The following LRRTM1 variants were observed in gnomAD, a reference collection of about 807,000 sequenced individuals.
The protein encoded by LRRTM1 is leucine-rich repeat transmembrane neuronal protein 1.
Under a neutral mutation model 37.3 loss-of-function variants are expected in LRRTM1, and 8 were observed. That is an observed-to-expected ratio of 0.21 (90% confidence interval 0.13 to 0.39). LRRTM1 has a LOEUF of 0.39. LRRTM1 is among the 10% of genes least tolerant of loss of function. The pLI is 1.00. For synonymous variants in LRRTM1, 326 were observed against 316.8 expected (o/e 1.03, Z -0.31); for missense variants, 557 against 691.0 (o/e 0.81, Z 2.17).
At chr2:80,289,866 C>T (rs1055168410) in intron 2 of LRRTM1, among the ~76,000 whole-genome samples, 7 of 152,144 alleles carry the variant, frequency 4.6e-5, no homozygotes, top group East Asian at 1.9e-4. Flanking sequence ...CTCCCTGCTA[C>T]GGATGATGGA....
chr2:80,293,487 T>G (rs1675449291), intron 2 of LRRTM1, among the ~76,000 whole-genome samples: 1 of 152,258 alleles, frequency 6.6e-6, no homozygotes, highest in Non-Finnish European at 1.5e-5. Flanking sequence ...ATCCTGGCTT[T>G]ACTTTAAGCC....
At chr2:80,290,931 C>G (rs1426305386) in intron 2 of LRRTM1, among the ~76,000 whole-genome samples, 1 of 152,200 alleles carries the variant, frequency 6.6e-6, no homozygotes, top group African/African-American at 2.4e-5. Context: ...CCTCAATTTC[C>G]CAACAGCTCT....
At chr2:80,292,540 C>T (rs1220805661) in intron 2 of LRRTM1, among the ~76,000 whole-genome samples, 3 of 152,010 alleles carry the variant, frequency 2.0e-5, no homozygotes, top group African/African-American at 7.3e-5. Context: ...TTGCAGGTTG[C>T]CAGGCACCTA....
chr2:80,303,578 C>T lies in LRRTM1; in HGVS notation c.242G>A (p.Arg81His), dbSNP rs1053781149. The part of the protein sequence containing the change: ...SLRYNSLSEL[R>H]AGQFTGLMQL... The stretch of plus-strand genomic sequence containing the variant: ...CATTAACCCCGTGAACTGGCCGGCG[C>T]GCAGCTCCGAGAGGCTGTTGTAGCG... The change falls in exon 2 of 2, where the codon CGC becomes CAC. Residue 81 changes from arginine (R) to histidine (H), a missense_variant. Physicochemically the swap from Arg to His is conservative, Grantham distance 29. Coordinates refer to ENST00000295057, the MANE Select transcript of LRRTM1 (RefSeq NM_178839.5). The surrounding 1 kb of genome is among the most constrained non-coding windows in gnomAD (Gnocchi z 7.7). The T allele has an allele frequency of 1.2e-6, 2 of 1,614,088 alleles. No individual in the cohort carries two copies. Among genetic ancestry groups the T allele is most frequent in the African/African-American group, 2.7e-5 (2 of 74,942 alleles).
intron 2 of LRRTM1, chr2:80,289,262 A>C (rs1009641363): frequency 6.6e-6 from 1 of 152,164 alleles, no homozygotes; most frequent in Non-Finnish European, 1.5e-5. Context: ...CAAGTGTCAA[A>C]GCATCTGTAG....
chr2:80,291,157 C>T (rs368127967), intron 2 of LRRTM1, among the ~76,000 whole-genome samples: 3 of 152,246 alleles, frequency 2.0e-5, no homozygotes, highest in Non-Finnish European at 4.4e-5. Context: ...AGTTTTTCCT[C>T]GTGGGATTTA....
In LRRTM1 at chr2:80,302,642, G is replaced by C; in HGVS notation, c.1178C>G (p.Thr393Arg). The change falls in exon 2 of 2, where the codon ACG becomes AGG. Residue 393 changes from threonine (T) to arginine (R), a missense_variant. By Grantham distance (71) the Thr-to-Arg change is moderately conservative (BLOSUM62 -1). Transcript: ENST00000295057. This position sits in a 1 kb window ranked among gnomAD's most constrained non-coding sequence, Gnocchi z 6.4. ...CTGCCCCTCCCCGCCGTCCGCGAGC[G>C]TGGTGGCCGAGCTGGCAGGGGGCCC... Reference protein sequence around the residue: ...DLGPPASSATTLADGGEGQHD... With the variant: ...DLGPPASSATRLADGGEGQHD... 6.2e-7 allele frequency: 1 copy of C among 1,607,948 alleles called. No homozygotes were observed.
chr2:80,300,324 G>C (rs1035380780), downstream of LRRTM1, among the ~76,000 whole-genome samples: 2 of 143,552 alleles, frequency 1.4e-5, no homozygotes, highest in Non-Finnish European at 3.0e-5. Flanking sequence ...GTGTGTGTGT[G>C]TGTGTGTGTA....
Position 80,304,647 on chromosome 2 carries a change from G to C in LRRTM1, c.-555C>G, listed in dbSNP as rs1171115377. On this transcript the variant is annotated 5_prime_UTR_variant, in exon 1 of 2. Transcript: ENST00000295057. ...GCGGCGGGCGGCGGGCGGTGGGGAG[G>C]TGCGGACGGCGGCGCGGGGAGCGGC... The C allele has an allele frequency of 2.0e-5, 3 of 152,986 alleles. No homozygotes were observed. The highest frequency in any genetic ancestry group is 7.2e-5 in the African/African-American group (3 of 41,380). The allele number at this position is 152,986 out of a possible 1,614,324, so 9.5% of individuals were successfully genotyped here. A position where few individuals can be genotyped will look rare whatever the true frequency, so the allele number is the denominator to read the frequency against.
At position 80,304,306 on chromosome 2, in the gene LRRTM1, G is replaced by C. The variant is rs1028640623; in HGVS notation, c.-214C>G. On this transcript the variant is annotated 5_prime_UTR_variant, in exon 1 of 2. Transcript: ENST00000295057. ...CGCACAATGTCTCACTTTGCTGCTCGGCTCGGGGCTGCAAGGGCGGCCGGC... is the reference window on the plus strand; with the variant it reads ...CGCACAATGTCTCACTTTGCTGCTCCGCTCGGGGCTGCAAGGGCGGCCGGC... 1.3e-5 allele frequency: 2 copies of C among 153,282 alleles called. No individual in the cohort carries two copies. The highest frequency in any genetic ancestry group is 2.1e-4 in the South Asian group (1 of 4,828). 9.5% of individuals were successfully genotyped at this position (153,282 alleles called of 1,614,324 possible).
rs554808464 is a variant in LRRTM1 at position 80,291,154 on chromosome 2, C to T, written c.*307-1959G>A. On this transcript the variant is annotated intron_variant and NMD_transcript_variant, in intron 2 of 2. Transcript: ENST00000417012. ...TTCCCTCTGACCAAAGATAGTTTTTCCTCGTGGGATTTAGTAGATCTCTAA... is the reference window on the plus strand; with the variant it reads ...TTCCCTCTGACCAAAGATAGTTTTTTCTCGTGGGATTTAGTAGATCTCTAA... Among the ~76,000 whole-genome samples the T allele has an allele frequency of 3.3e-5, 5 of 152,336 alleles. No individual in the cohort carries two copies. In the East Asian group the frequency reaches 9.6e-4, roughly 29 times the overall value.
At chr2:80,295,619 C>T (rs1352439329) in intron 2 of LRRTM1, among the ~76,000 whole-genome samples, 1 of 152,046 alleles carries the variant, frequency 6.6e-6, no homozygotes, top group Non-Finnish European at 1.5e-5. Context: ...AAATAGAAGC[C>T]CCAAACTGGA....
chr2:80,302,043 G>C lies in LRRTM1; in HGVS notation c.*208C>G, dbSNP rs1356483419. The C allele has an allele frequency of 1.7e-6, 1 of 594,328 alleles. No homozygotes were observed. The highest frequency in any genetic ancestry group is 2.8e-6 in the Non-Finnish European group (1 of 352,266). 36.8% of individuals were successfully genotyped at this position (594,328 alleles called of 1,614,324 possible). On this transcript the variant is annotated 3_prime_UTR_variant, in exon 2 of 2. Transcript: ENST00000295057. This position sits in a 1 kb window ranked among gnomAD's most constrained non-coding sequence, Gnocchi z 6.4. ...AGATAGACTGTCCTGAAGGTTGTGG[G>C]GTGGGGTTTTTTGTTGTGTTTTAAT...
rs1231284042 is a variant in LRRTM1, at chr2:80,302,941, G to C, written c.879C>G (p.Thr293=). 18 of 1,613,904 alleles carry C rather than the reference G, an allele frequency of 1.1e-5. No individual in the cohort carries two copies. The highest frequency in any genetic ancestry group is 4.4e-5 in the South Asian group (4 of 91,068). Residue 293 remains threonine (T), a synonymous_variant, in exon 2 of 2, where the codon ACC becomes ACG. Coordinates refer to ENST00000295057, the MANE Select transcript of LRRTM1 (RefSeq NM_178839.5). The surrounding 1 kb of genome is among the most constrained non-coding windows in gnomAD (Gnocchi z 6.4). ...QSLQLDSNRL[T]YIEPRILNSW... ...AGTTGAGGATCCGGGGCTCGATGTA[G>C]GTGAGGCGGTTGGAGTCCAGCTGCA...
intron 2 of LRRTM1, among the ~76,000 whole-genome samples, chr2:80,292,181 T>C (rs75188414): frequency 0.028 from 4,302 of 152,236 alleles, 109 homozygotes; most frequent in South Asian, 0.038. Flanking sequence ...AAAACACTTA[T>C]CTAGTACTTG....
intron 2 of LRRTM1, among the ~76,000 whole-genome samples, chr2:80,296,144 A>AC (rs1675721262): frequency 1.3e-5 from 2 of 152,188 alleles, no homozygotes; most frequent in Admixed American, 6.5e-5. Flanking sequence ...AATGTGTAAC[A>AC]ATTGCATCAT....
At chr2:80,297,449 C>T (rs750067222), downstream of LRRTM1, among the ~76,000 whole-genome samples, 5 of 152,152 alleles carry the variant, frequency 3.3e-5, no homozygotes, top group Non-Finnish European at 5.9e-5. Flanking sequence ...ACCATACCAG[C>T]GACTGCTCAG....
At chr2:80,300,064 C>T (rs2149200584), downstream of LRRTM1, among the ~76,000 whole-genome samples, 1 of 152,238 alleles carries the variant, frequency 6.6e-6, no homozygotes, top group Non-Finnish European at 1.5e-5. Context: ...GCTACCCCTG[C>T]TCTTGGAGTG....
downstream of LRRTM1, chr2:80,298,703 G>A (rs1416941790): frequency 6.6e-6 from 1 of 152,118 alleles, no homozygotes; most frequent in Admixed American, 6.5e-5. Flanking sequence ...AAAAGGTTGG[G>A]GGCTCTTCTA....
Sources: allele counts gnomAD v4.1 joint callset (sites outside exome capture counted in the v4.1 genomes callset), GRCh38; gene constraint gnomAD v4.1.1; non-coding constraint Gnocchi (gnomAD v3.1); transcripts MANE v1.5; gene names NCBI Gene and HGNC (gene_info 2026-07-23, HGNC 2026-07-21).